HPSE2: variants seen among roughly 807,000 people sequenced by gnomAD.
HPSE2 encodes inactive heparanase-2.
In HPSE2, 38 loss-of-function variants were observed where a neutral mutation model predicts 60.5. The ratio of observed to expected loss-of-function variants is 0.63; its 90% CI spans 0.48 to 0.82. HPSE2 has a LOEUF of 0.82. HPSE2 is among the 40% of genes least tolerant of loss of function. The pLI is 0.00. For missense variants in HPSE2, 713 were observed against 740.4 expected, an observed-to-expected ratio of 0.96 and a Z score of 0.43; for synonymous variants, 295 against 293.2, an observed-to-expected ratio of 1.01 and a Z score of -0.06.
At chr10:98,658,609 C>A (rs921120343) in intron 6 of HPSE2, among the ~76,000 whole-genome samples, 1 of 151,792 alleles carries the variant, frequency 6.6e-6, no homozygotes, top group African/African-American at 2.4e-5. Context: ...TCTTTGCCTA[C>A]CCTAAGGTCA....
intron 2 of HPSE2, among the ~76,000 whole-genome samples, chr10:99,216,570 ATCC>A (rs939150963): frequency 1.3e-5 from 2 of 152,188 alleles, no homozygotes; most frequent in South Asian, 2.1e-4. Context: ...CACCTGTGGA[ATCC>A]TCCTCAACTA....
At chr10:99,300,224 A>C in the HPSE2 span, among the ~76,000 whole-genome samples, 1 of 152,072 alleles carries the variant, frequency 6.6e-6, no homozygotes. Flanking sequence ...CACTGAAAGA[A>C]AGACTGCCAC....
At chr10:98,528,760 T>C (rs540523920) in intron 9 of HPSE2, among the ~76,000 whole-genome samples, 45 of 152,292 alleles carry the variant, frequency 3.0e-4, no homozygotes, top group African/African-American at 1.1e-3. Flanking sequence ...CATTAGAACA[T>C]GGGGAGCCAA....
chr10:98,681,159 C>A (rs1211910719), intron 6 of HPSE2, among the ~76,000 whole-genome samples: 1 of 151,630 alleles, frequency 6.6e-6, no homozygotes, highest in Non-Finnish European at 1.5e-5. Context: ...GATACTTTCT[C>A]AAAAATGAAC....
At chr10:98,898,000 G>GA (rs1276192203) in intron 3 of HPSE2, among the ~76,000 whole-genome samples, 2 of 151,758 alleles carry the variant, frequency 1.3e-5, no homozygotes, top group African/African-American at 2.4e-5. Context: ...CAACAATGAG[G>GA]AAAAAAACCT....
At chr10:98,592,732 C>T (rs1333427903) in intron 9 of HPSE2, among the ~76,000 whole-genome samples, 2 of 152,150 alleles carry the variant, frequency 1.3e-5, no homozygotes, top group African/African-American at 2.4e-5. Flanking sequence ...TAAGACATTA[C>T]ATTTGGCAAG....
chr10:98,470,102 G>GGTGTGTGTGTGT (rs55762346), intron 11 of HPSE2, among the ~76,000 whole-genome samples: 33,325 of 150,200 alleles, frequency 0.22, 3,633 homozygotes, highest in East Asian at 0.31. Flanking sequence ...TAGGAAGGCA[G>GGTGTGTGTGTGT]GTGTGTGTGT....
intron 3 of HPSE2, among the ~76,000 whole-genome samples, chr10:98,920,409 T>C (rs571342998): frequency 1.2e-4 from 19 of 152,316 alleles, no homozygotes; most frequent in South Asian, 4.1e-4. Flanking sequence ...ATAAAACTTA[T>C]GTGTCTAACT....
At chr10:99,040,857 C>T (rs1957721151) in intron 3 of HPSE2, among the ~76,000 whole-genome samples, 1 of 152,030 alleles carries the variant, frequency 6.6e-6, no homozygotes, top group African/African-American at 2.4e-5. Flanking sequence ...GAGGCCGAGG[C>T]GAGCGGATCA....
intron 3 of HPSE2, among the ~76,000 whole-genome samples, chr10:99,098,915 AAG>A (rs1449953415): frequency 4.6e-5 from 7 of 152,232 alleles, no homozygotes; most frequent in African/African-American, 7.2e-5. Flanking sequence ...ATTTTAATAT[AAG>A]AGAAAAACAA....
chr10:99,060,650 C>A, intron 3 of HPSE2, among the ~76,000 whole-genome samples: 1 of 91,910 alleles, frequency 1.1e-5, no homozygotes, highest in Non-Finnish European at 2.0e-5. Flanking sequence ...AAGAGCGAAA[C>A]TCTGTCTCAA....
chr10:98,744,129 A>G (rs754025987), intron 3 of HPSE2, 73 bp from the exon 4 acceptor site: 35 of 1,412,838 alleles, frequency 2.5e-5, no homozygotes, highest in Non-Finnish European at 3.2e-5. Flanking sequence ...TAGCTAATAT[A>G]AAAAGCCTTT....
rs1157147011 is a variant in HPSE2 at position 98,937,510 on chromosome 10, G to T, written c.611-193454C>A. 4.8e-5 allele frequency among the ~76,000 whole-genome samples: 7 copies of T among 144,332 alleles called. 2 individuals are homozygous for T. Among genetic ancestry groups the T allele is most frequent in the African/African-American group, 2.0e-4 (7 of 35,660 alleles). The allele number at this position is 144,332 out of a possible 152,430, so 94.7% of individuals were successfully genotyped here. A position where few individuals can be genotyped will look rare whatever the true frequency, so the allele number is the denominator to read the frequency against. ...TAGCACAGCAGTCTGAGATCAAACT[G>T]CAAGGCAGCAGCCAGGCTGGGGGAG... On this transcript the variant is annotated intron_variant, in intron 3 of 11. Coordinates refer to ENST00000370552, the MANE Select transcript of HPSE2 (RefSeq NM_021828.5).
At chr10:98,888,182 T>C (rs1953227622) in intron 3 of HPSE2, among the ~76,000 whole-genome samples, 1 of 141,400 alleles carries the variant, frequency 7.1e-6, no homozygotes, top group South Asian at 2.2e-4. Context: ...ACATGCATGA[T>C]AAGGTCTAAA....
At chr10:99,057,629 C>T (rs1227592585) in intron 3 of HPSE2, among the ~76,000 whole-genome samples, 2 of 152,188 alleles carry the variant, frequency 1.3e-5, no homozygotes, top group African/African-American at 2.4e-5. Context: ...AGTTTGTCAA[C>T]AAGACAACAA....
chr10:99,059,835 C>T (rs535741558), intron 3 of HPSE2, among the ~76,000 whole-genome samples: 9 of 152,178 alleles, frequency 5.9e-5, no homozygotes, highest in African/African-American at 2.2e-4. Flanking sequence ...TAAATATGGT[C>T]TTGCTCTTAA....
chr10:99,258,390 A>AATAT, the HPSE2 span, among the ~76,000 whole-genome samples: 297 of 147,724 alleles, frequency 2.0e-3, 1 homozygote, highest in African/African-American at 4.8e-3. Context: ...TAAATGGAGT[A>AATAT]ATATATATAT....
chr10:99,123,027 A>T (rs73331957), intron 3 of HPSE2, among the ~76,000 whole-genome samples: 1,717 of 152,278 alleles, frequency 0.011, 35 homozygotes, highest in African/African-American at 0.039. Flanking sequence ...CAGTGGCAAA[A>T]AATGTTTTAA....
At chr10:98,479,663 T>C (rs1231270345) in intron 11 of HPSE2, among the ~76,000 whole-genome samples, 2 of 152,162 alleles carry the variant, frequency 1.3e-5, no homozygotes, top group South Asian at 4.1e-4. Flanking sequence ...CAGTAATTTA[T>C]AGGCAGAACA....
Sources: gnomAD v4.1 joint callset for allele counts (sites outside exome capture counted in the v4.1 genomes callset) on GRCh38, gnomAD v4.1.1 for gene constraint, MANE v1.5 for transcripts, NCBI Gene and HGNC (gene_info 2026-07-23, HGNC 2026-07-21) for gene names.